The following GRSF1 variants were observed in gnomAD, a reference collection of about 807,000 sequenced individuals.
GRSF1 encodes the protein G-rich RNA sequence binding factor 1, also known as G-rich sequence factor 1.
In GRSF1, 50 loss-of-function variants were observed where a neutral mutation model predicts 51.1. The ratio of observed to expected loss-of-function variants is 0.98; its 90% CI spans 0.78 to 1.24. GRSF1 has a LOEUF of 1.24. Among genes scored for constraint, GRSF1 ranks in the 50% most tolerant of loss-of-function variants. The pLI, the probability that GRSF1 is intolerant of heterozygous loss-of-function variation, is 0.00. For missense variants in GRSF1, 700 were observed against 639.7 expected, an observed-to-expected ratio of 1.09 and a Z score of -1.02; for synonymous variants, 293 against 253.3, an observed-to-expected ratio of 1.16 and a Z score of -1.49.
chr4:70,825,522 G>C (rs934363543), intron 7 of GRSF1, 91 bp from the exon 8 acceptor site: 8 of 903,378 alleles, frequency 8.9e-6, no homozygotes, highest in Non-Finnish European at 1.3e-5. Flanking sequence ...TTCAGACTTT[G>C]ATTCATACAC....
upstream of GRSF1, among the ~76,000 whole-genome samples, chr4:70,842,627 T>C (rs1053940779): frequency 2.6e-5 from 4 of 152,094 alleles, no homozygotes; most frequent in Admixed American, 6.6e-5. Context: ...AAGCCTCCCT[T>C]TCAAGAAGGA....
intron 3 of GRSF1, among the ~76,000 whole-genome samples, chr4:70,832,686 G>A (rs766113849): frequency 1.2e-4 from 19 of 152,158 alleles, no homozygotes; most frequent in Non-Finnish European, 1.8e-4. Flanking sequence ...ACTGGCTCAC[G>A]CCTATAATCC....
At position 70,833,177 on chromosome 4, in the gene GRSF1, T is replaced by A; in HGVS notation, c.611A>T (p.Gln204Leu). 1 of 1,613,952 alleles carries A rather than the reference T, an allele frequency of 6.2e-7. No homozygotes were observed. Among genetic ancestry groups the A allele is most frequent in the Non-Finnish European group, 8.5e-7 (1 of 1,179,828 alleles). ...CTTCTCTAAGGCTTTCTGCACATCC[T>A]GCTCTGACTCCATTTCAATTAAGGC... ...GDALIEMESE[Q>L]DVQKALEKHR... Residue 204 changes from glutamine to leucine, a missense_variant, in exon 3 of 10, where the codon CAG (glutamine) becomes CTG (leucine). Physicochemically the swap from Gln to Leu is moderately radical, Grantham distance 113. Transcript: ENST00000254799.
At chr4:70,830,690 A>G (rs542719246) in intron 5 of GRSF1, among the ~76,000 whole-genome samples, 16 of 151,744 alleles carry the variant, frequency 1.1e-4, no homozygotes, top group African/African-American at 3.9e-4. Context: ...ATGGTGGCGC[A>G]TGCCTCTAGT....
At chr4:70,823,974 C>CTTTTTT (rs577909875) in intron 9 of GRSF1, among the ~76,000 whole-genome samples, 6,123 of 100,720 alleles carry the variant, frequency 0.061, 346 homozygotes, top group Non-Finnish European at 0.08. Context: ...TTGTATCTCT[C>CTTTTTT]TCTTTTTTTT....
rs999454587 is a variant in GRSF1, at chr4:70,817,685, C to T, written c.*3202G>A. The T allele has an allele frequency of 1.3e-5, 2 of 152,174 alleles. No homozygotes were observed. Among genetic ancestry groups the T allele is most frequent in the Non-Finnish European group, 2.9e-5 (2 of 68,036 alleles). The allele number at this position is 152,174 out of a possible 1,614,324, so 9.4% of individuals were successfully genotyped here. A position where few individuals can be genotyped will look rare whatever the true frequency, so the allele number is the denominator to read the frequency against. On this transcript the variant is annotated 3_prime_UTR_variant, in exon 10 of 10. Coordinates refer to ENST00000254799, the MANE Select transcript of GRSF1 (RefSeq NM_002092.4). ...ATTGTCAATGGGAATTCAAAATAGT[C>T]ATGTTGGAACAGTTTGGCAGTTTCT...
intron 4 of GRSF1, 110 bp downstream of exon 4, chr4:70,832,197 C>T (rs1176297884): frequency 5.6e-6 from 4 of 717,932 alleles, no homozygotes; most frequent in East Asian, 5.2e-5. Context: ...CCCTAAAGAA[C>T]CTAATATAAC....
upstream of GRSF1, chr4:70,839,939 G>T: frequency 1.0e-6 from 1 of 966,050 alleles, no homozygotes; most frequent in Non-Finnish European, 1.4e-6. Context: ...CATGCGCCGC[G>T]GGCACTGGGT....
intron 8 of GRSF1, among the ~76,000 whole-genome samples, chr4:70,824,576 G>A (rs1733657466): frequency 1.3e-5 from 2 of 152,040 alleles, no homozygotes; most frequent in Admixed American, 1.3e-4. Context: ...CCTGAGGTAA[G>A]GAGTTCAAGC....
At chr4:70,827,690 A>T (rs1733790978) in intron 6 of GRSF1, among the ~76,000 whole-genome samples, 162 bp downstream of exon 6, 1 of 152,064 alleles carries the variant, frequency 6.6e-6, no homozygotes, top group South Asian at 2.1e-4. Flanking sequence ...GAGGCAGGAG[A>T]ATCACTTGAA....
At chr4:70,829,024 C>G (rs2148840453) in intron 5 of GRSF1, among the ~76,000 whole-genome samples, 1 of 152,118 alleles carries the variant, frequency 6.6e-6, no homozygotes, top group South Asian at 2.1e-4. Context: ...TAGGCATGAG[C>G]CACCATGCCC....
In GRSF1 at chr4:70,825,309, A is replaced by T. The variant is rs1212170946; in HGVS notation, c.1380T>A (p.Asp460Glu). The T allele has an allele frequency of 6.2e-7, 1 of 1,607,586 alleles. No individual in the cohort carries two copies. The highest frequency in any genetic ancestry group is 2.2e-5 in the East Asian group (1 of 44,840). ...GGCAGGACTTACGAACGTGGGACCG[A>T]TCCTTGAGCATCGCTGCAACAGCAT... ...HEDAVAAMLK[D>E]RSHVHHRYIE... Residue 460 changes from aspartate (D) to glutamate (E), a missense_variant, in exon 8 of 10, where the codon GAT becomes GAA. Transcript: ENST00000254799.
At chr4:70,829,340 GT>G (rs1430861797) in intron 5 of GRSF1, among the ~76,000 whole-genome samples, 2 of 32,808 alleles carry the variant, frequency 6.1e-5, no homozygotes, top group African/African-American at 9.3e-5. Flanking sequence ...CTCTACAAAA[GT>G]TTTTTTTTGT....
chr4:70,838,921 G>C (rs1734337608), intron 1 of GRSF1: 3 of 338,738 alleles, frequency 8.9e-6, no homozygotes, highest in Admixed American at 8.1e-5. Flanking sequence ...GGGACAGCTC[G>C]TCTTTCCCTG....
upstream of GRSF1, among the ~76,000 whole-genome samples, chr4:70,840,255 C>G (rs1354410639): frequency 6.6e-6 from 1 of 151,894 alleles, no homozygotes; most frequent in African/African-American, 2.4e-5. Flanking sequence ...TGGGCGGGGC[C>G]CGGGGAAGTG....
chr4:70,838,143 CG>C lies in GRSF1; in HGVS notation c.357+1327del, dbSNP rs557260354. On this transcript the variant is annotated intron_variant, in intron 1 of 9. Coordinates refer to ENST00000254799, the MANE Select transcript of GRSF1 (RefSeq NM_002092.4). The stretch of plus-strand genomic sequence containing the variant: ...CTGAAGCAGGAGAATGGCGTGAACC[CG>C]GAAGGCGGAGCTTGCAGTGAGCCGA... Among the ~76,000 whole-genome samples, 1,357 of 138,602 alleles carry C rather than the reference CG, an allele frequency of 9.8e-3. 12 individuals carry two copies. Among genetic ancestry groups the C allele is most frequent in the Non-Finnish European group, 0.014 (946 of 66,424 alleles). 90.9% of individuals were successfully genotyped at this position (138,602 alleles called of 152,430 possible). A position where few individuals can be genotyped will look rare whatever the true frequency, so the allele number is the denominator to read the frequency against.
chr4:70,828,630 G>C (rs970948344), intron 5 of GRSF1, among the ~76,000 whole-genome samples: 2 of 151,978 alleles, frequency 1.3e-5, no homozygotes, highest in African/African-American at 4.8e-5. Flanking sequence ...GTGCAGTGGT[G>C]TGAACATGGC....
intron 5 of GRSF1, among the ~76,000 whole-genome samples, chr4:70,830,846 G>C (rs1442957954): frequency 6.6e-6 from 1 of 151,892 alleles, no homozygotes; most frequent in Non-Finnish European, 1.5e-5. Context: ...GCTATTTTTG[G>C]TATAATTGGG....
At position 70,818,337 on chromosome 4, in the gene GRSF1, C is replaced by T. The variant is rs1279491184; in HGVS notation, c.*2550G>A. 1 of 152,148 alleles carries T rather than the reference C, an allele frequency of 6.6e-6. No homozygotes were observed. Among genetic ancestry groups the T allele is most frequent in the Admixed American group, 6.5e-5 (1 of 15,274 alleles). 9.4% of individuals were successfully genotyped at this position (152,148 alleles called of 1,614,324 possible). A position where few individuals can be genotyped will look rare whatever the true frequency, so the allele number is the denominator to read the frequency against. On this transcript the variant is annotated 3_prime_UTR_variant, in exon 10 of 10. Coordinates refer to ENST00000254799, the MANE Select transcript of GRSF1 (RefSeq NM_002092.4). ...GATGTAACCCCAAAAAATAACTTTC[C>T]AAATGAGAACTGAGTAAGGGCTGTT... is the stretch of plus-strand genomic sequence containing the variant.
Sources: allele counts gnomAD v4.1 joint callset (sites outside exome capture counted in the v4.1 genomes callset), GRCh38; gene constraint gnomAD v4.1.1; transcripts MANE v1.5; gene names NCBI Gene and HGNC (gene_info 2026-07-23, HGNC 2026-07-21).